Variants in PTCD3 observed in about 807,000 individuals in gnomAD.
PTCD3 encodes small ribosomal subunit protein mS39.
PTCD3 carries 89 observed loss-of-function variants against 101.9 expected under a neutral mutation model. The ratio of observed to expected loss-of-function variants is 0.87; its 90% CI spans 0.74 to 1.04. PTCD3 has a LOEUF of 1.04. PTCD3 is among the 50% of genes least tolerant of loss of function. The pLI is 0.00. For missense variants in PTCD3, 870 were observed against 828.2 expected (o/e 1.05, Z -0.62); for synonymous variants, 296 against 278.5 (o/e 1.06, Z -0.63).
At chr2:86,109,705 A>G (rs1674039438) in intron 3 of PTCD3, among the ~76,000 whole-genome samples, 3 of 152,274 alleles carry the variant, frequency 2.0e-5, no homozygotes, top group South Asian at 4.1e-4. Flanking sequence ...ATTTGCATAT[A>G]TACATGGACA....
intron 7 of PTCD3, chr2:86,119,710 A>C (rs1674246865): frequency 6.6e-6 from 1 of 152,272 alleles, no homozygotes; most frequent in South Asian, 2.1e-4. Context: ...ACAAGAAAGA[A>C]ATACGTGAAA....
intron 6 of PTCD3, among the ~76,000 whole-genome samples, chr2:86,118,307 G>T (rs1390579932): frequency 1.3e-5 from 2 of 152,194 alleles, no homozygotes; most frequent in Non-Finnish European, 2.9e-5. Context: ...CTTAGTGCTT[G>T]TCCATACAGT....
chr2:86,117,088 A>G lies in PTCD3; in HGVS notation c.343A>G (p.Asn115Asp). 1 of 1,463,434 alleles carries G rather than the reference A, an allele frequency of 6.8e-7. No individual in the cohort carries two copies. Among genetic ancestry groups the G allele is most frequent in the Non-Finnish European group, 9.6e-7 (1 of 1,043,096 alleles). The allele number at this position is 1,463,434 out of a possible 1,614,324, so 90.7% of individuals were successfully genotyped here. A position where few individuals can be genotyped will look rare whatever the true frequency, so the allele number is the denominator to read the frequency against. ...SFLLAKKSGE[N>D]VAKFIINSYP... Reference sequence around the variant, plus strand: ...TTTACTGGCAAAGAAATCCGGGGAGAATGTGGCCAAGTTTATTATTAATTC... The same window carrying G: ...TTTACTGGCAAAGAAATCCGGGGAGGATGTGGCCAAGTTTATTATTAATTC... The change falls in exon 6 of 24, where the codon AAT becomes GAT. Residue 115 changes from asparagine to aspartate, a missense_variant. Transcript: ENST00000254630.
intron 16 of PTCD3, 79 bp from the exon 17 acceptor site, chr2:86,132,239 C>A: frequency 1.3e-6 from 1 of 773,008 alleles, no homozygotes; most frequent in South Asian, 2.0e-5. Flanking sequence ...TTTCACAAGA[C>A]ACTCTACTGT....
At position 86,118,250 on chromosome 2, in the gene PTCD3, T is replaced by G. The variant is rs140896487; in HGVS notation, c.415-671T>G. The stretch of plus-strand genomic sequence containing the variant: ...CATTGTATTTCCAGCTCCCTCTTTG[T>G]TCTGTAGTTTTGGAGTGAGGATTTA... On this transcript the variant is annotated intron_variant, in intron 6 of 23. Coordinates refer to ENST00000254630, the MANE Select transcript of PTCD3 (RefSeq NM_017952.6). Among the ~76,000 whole-genome samples the G allele has an allele frequency of 2.1e-3, 326 of 152,344 alleles. 1 individual carries two copies. Among genetic ancestry groups the G allele is most frequent in the African/African-American group, 7.6e-3 (315 of 41,590 alleles).
rs1674667903 is a variant in PTCD3 at position 86,140,724 on chromosome 2, A to C, written c.*3165A>C. 2.0e-5 allele frequency: 3 copies of C among 152,062 alleles called. No homozygotes were observed. The highest frequency in any genetic ancestry group is 1.3e-4 in the Admixed American group (2 of 15,250). 9.4% of individuals were successfully genotyped at this position (152,062 alleles called of 1,614,324 possible). On this transcript the variant is annotated 3_prime_UTR_variant, in exon 24 of 24. Transcript: ENST00000254630. ...ATTTGCTAGGACATGGGATAATCAG[A>C]TTACACAAAATCTAGGCAGTGAACA... is the stretch of plus-strand genomic sequence containing the variant.
Position 86,121,511 on chromosome 2 carries a change from C to T in PTCD3, c.571C>T (p.Leu191Phe), listed in dbSNP as rs1674280414. 1 of 1,608,214 alleles carries T rather than the reference C, an allele frequency of 6.2e-7. No individual in the cohort carries two copies. The highest frequency in any genetic ancestry group is 2.2e-5 in the East Asian group (1 of 44,738). Residue 191 changes from leucine to phenylalanine, a missense_variant, in exon 8 of 24, where the codon CTC (leucine) becomes TTC (phenylalanine). Coordinates refer to ENST00000254630, the MANE Select transcript of PTCD3 (RefSeq NM_017952.6). ...TTVSLETTNS[L>F]LDLLCYYGDQ... ...TGTGTCTCTTGAAACAACAAATAGT[C>T]TCTTGGATTTATTGTGTTACTATGG...
intron 4 of PTCD3, among the ~76,000 whole-genome samples, chr2:86,115,770 C>T (rs1674165695): frequency 6.6e-6 from 1 of 152,170 alleles, no homozygotes; most frequent in South Asian, 2.1e-4. Context: ...TGATTATGCT[C>T]AGGTTTAGGG....
intron 8 of PTCD3, among the ~76,000 whole-genome samples, chr2:86,122,121 G>T (rs1212626535): frequency 6.6e-6 from 1 of 152,148 alleles, no homozygotes; most frequent in African/African-American, 2.4e-5. Context: ...TCATGAGGAG[G>T]TATTTATACT....
intron 21 of PTCD3, 162 bp downstream of exon 21, chr2:86,135,149 A>T (rs1366704107): frequency 1.5e-6 from 1 of 677,768 alleles, no homozygotes; most frequent in African/African-American, 1.8e-5. Flanking sequence ...AGAAGACAGT[A>T]TGCATGATGT....
chr2:86,134,827 T>G lies in PTCD3; in HGVS notation c.1630-12T>G. ...TCAGTTAGGCAGTTCTGCTGACTCC[T>G]AAGCTTCTCAGCTTCAGGTGGCATT... is the stretch of plus-strand genomic sequence containing the variant. On this transcript the variant is annotated splice_polypyrimidine_tract_variant and intron_variant, in intron 20 of 23. Coordinates refer to ENST00000254630, the MANE Select transcript of PTCD3 (RefSeq NM_017952.6). The G allele has an allele frequency of 6.2e-7, 1 of 1,613,884 alleles. No individual in the cohort carries two copies. Among genetic ancestry groups the G allele is most frequent in the Non-Finnish European group, 8.5e-7 (1 of 1,179,972 alleles).
intron 5 of PTCD3, 134 bp from the exon 6 acceptor site, chr2:86,116,912 GATAGTCTAT>G: frequency 1.6e-6 from 1 of 619,206 alleles, no homozygotes; most frequent in African/African-American, 1.8e-5. Context: ...GAAAAGGTGG[GATAGTCTAT>G]AATTTCTAAT....
In PTCD3 at chr2:86,131,082, G is replaced by C; in HGVS notation, c.1242G>C (p.Lys414Asn). The change falls in exon 16 of 24, where the codon AAG becomes AAC. Residue 414 changes from lysine to asparagine, a missense_variant. Physicochemically the swap from Lys to Asn is moderately conservative, Grantham distance 94. Coordinates refer to ENST00000254630, the MANE Select transcript of PTCD3 (RefSeq NM_017952.6). Reference protein sequence around the residue: ...RFSPKDPDDDKFFQSAMSICS... With the variant: ...RFSPKDPDDDNFFQSAMSICS... ...CTTGTGAACTTTGATTTTCAGATAAGTTTTTTCAGTCAGCCATGAGCATAG... is the reference window on the plus strand; with the variant it reads ...CTTGTGAACTTTGATTTTCAGATAACTTTTTTCAGTCAGCCATGAGCATAG... The C allele has an allele frequency of 1.2e-6, 2 of 1,602,866 alleles. No individual in the cohort carries two copies. Among genetic ancestry groups the C allele is most frequent in the Non-Finnish European group, 1.7e-6 (2 of 1,175,192 alleles).
Position 86,127,220 on chromosome 2 carries a change from C to T in PTCD3, c.1011C>T (p.Thr337=). ...AACCAAATCTTCAGACTTTTAATAC[C>T]ATTCTGAAATGTCTCCGAAGATTTC... ...KVKPNLQTFN[T]ILKCLRRFHV... Residue 337 remains threonine, a synonymous_variant, in exon 13 of 24, where the codon ACC becomes ACT. Transcript: ENST00000254630. 2 of 1,613,206 alleles carry T rather than the reference C, an allele frequency of 1.2e-6. No individual in the cohort carries two copies. Among genetic ancestry groups the T allele is most frequent in the South Asian group, 1.1e-5 (1 of 91,064 alleles).
chr2:86,137,361 CT>C, intron 23 of PTCD3, 107 bp from the exon 24 acceptor site: 2 of 1,487,132 alleles, frequency 1.3e-6, no homozygotes, highest in African/African-American at 1.4e-5. Flanking sequence ...TGCAGGGTCC[CT>C]TTTTCTGATT....
Position 86,135,001 on chromosome 2 carries a change from C to T in PTCD3, c.1778+14C>T. 1.9e-6 allele frequency: 3 copies of T among 1,602,664 alleles called. No individual in the cohort carries two copies. The highest frequency in any genetic ancestry group is 2.2e-5 in the South Asian group (2 of 89,856). On this transcript the variant is annotated intron_variant, in intron 21 of 23. Transcript: ENST00000254630. ...TCAGGAAGCCTGGTGAGTACAGTACCACAAGTATACACTTTAGAAGCTTTT... is the reference window on the plus strand; with the variant it reads ...TCAGGAAGCCTGGTGAGTACAGTACTACAAGTATACACTTTAGAAGCTTTT...
Position 86,127,117 on chromosome 2 carries a change from A to T in PTCD3, c.952-44A>T, listed in dbSNP as rs185477675. On this transcript the variant is annotated intron_variant, in intron 12 of 23. Coordinates refer to ENST00000254630, the MANE Select transcript of PTCD3 (RefSeq NM_017952.6). ...GTATGAAACATAGATTATTGGACAG[A>T]TTACCCAGGCATGAAAGATACTTCT... 1.7e-3 allele frequency: 2,688 copies of T among 1,550,512 alleles called. 76 individuals are homozygous for T. In the Admixed American group the frequency reaches 0.045, roughly 26 times the overall value.
chr2:86,112,907 G>A (rs1014480577), intron 4 of PTCD3, among the ~76,000 whole-genome samples: 13 of 152,054 alleles, frequency 8.5e-5, no homozygotes, highest in African/African-American at 2.9e-4. Flanking sequence ...CTTAGGGGAC[G>A]ATTTGGCTGT....
intron 3 of PTCD3, 81 bp downstream of exon 3, chr2:86,108,617 G>A: frequency 2.3e-6 from 3 of 1,333,324 alleles, no homozygotes; most frequent in Admixed American, 2.4e-5. Flanking sequence ...TAAGGAGACA[G>A]TGACAGGAAG....
Sources: allele counts gnomAD v4.1 joint callset (sites outside exome capture counted in the v4.1 genomes callset), GRCh38; gene constraint gnomAD v4.1.1; transcripts MANE v1.5; gene names NCBI Gene and HGNC (gene_info 2026-07-23, HGNC 2026-07-21).